Variants in PLAAT1 observed in about 807,000 individuals in gnomAD.
PLAAT1 encodes phospholipase A and acyltransferase 1.
Under a neutral mutation model 16.4 loss-of-function variants are expected in PLAAT1, and 13 were observed. That is an observed-to-expected ratio of 0.79 (90% CI 0.52 to 1.26). The LOEUF is 1.26. Among genes scored for constraint, PLAAT1 ranks in the 50% most tolerant of loss-of-function variants. The pLI is 0.00. For synonymous variants in PLAAT1, 73 were observed against 78.4 expected (o/e 0.93, Z 0.36); for missense variants, 218 against 207.8 (o/e 1.05, Z -0.30).
At position 193,255,806 on chromosome 3, in the gene PLAAT1, G is replaced by A; in HGVS notation, c.139+17G>A. On this transcript the variant is annotated intron_variant, in intron 2 of 3. Transcript: ENST00000264735. ...CACCTGTAGGTGAGGTTTATTTCCA[G>A]TGGCTCCTGGGAGCAAAGTTTTAGT... 1.9e-6 allele frequency: 3 copies of A among 1,559,926 alleles called. No individual in the cohort carries two copies. Among genetic ancestry groups the A allele is most frequent in the Non-Finnish European group, 2.6e-6 (3 of 1,149,068 alleles).
rs1716645827 is a variant in PLAAT1 at position 193,263,062 on chromosome 3, G to T, written c.232G>T (p.Asp78Tyr). The T allele has an allele frequency of 1.2e-6, 2 of 1,614,162 alleles. No homozygotes were observed. The highest frequency in any genetic ancestry group is 2.2e-5 in the South Asian group (2 of 91,082). Residue 78 changes from aspartate (D) to tyrosine (Y), a missense_variant, in exon 3 of 4, where the codon GAC becomes TAC. Transcript: ENST00000264735. Reference sequence around the variant, plus strand: ...GCTCTTGAAGGATGTTGTGGGAAATGACACATACAGAATAAACAATAAATA... The same window carrying T: ...GCTCTTGAAGGATGTTGTGGGAAATTACACATACAGAATAAACAATAAATA... ...MQLLKDVVGN[D>Y]TYRINNKYDE...
chr3:193,241,079 G>T (rs769730224), upstream of PLAAT1: 6 of 639,634 alleles, frequency 9.4e-6, no homozygotes, highest in Admixed American at 2.8e-4. Flanking sequence ...GTGCGCGCGC[G>T]GAGGCGGCTG....
At chr3:193,259,452 ATATTT>A in intron 2 of PLAAT1, among the ~76,000 whole-genome samples, 1 of 152,276 alleles carries the variant, frequency 6.6e-6, no homozygotes, top group South Asian at 2.1e-4. Flanking sequence ...TTTTTGCTGA[ATATTT>A]CATTCTGTAC....
chr3:193,260,176 C>T (rs1716533396), intron 2 of PLAAT1, among the ~76,000 whole-genome samples: 1 of 152,074 alleles, frequency 6.6e-6, no homozygotes, highest in African/African-American at 2.4e-5. Flanking sequence ...AAAACTGGAC[C>T]TCTGCCTTTC....
chr3:193,252,119 T>A (rs916395226), intron 1 of PLAAT1, among the ~76,000 whole-genome samples: 2 of 152,034 alleles, frequency 1.3e-5, no homozygotes, highest in Non-Finnish European at 2.9e-5. Context: ...CTGGTGAGGG[T>A]CTCAGGAAGC....
chr3:193,256,139 C>T (rs1466528527), intron 2 of PLAAT1, among the ~76,000 whole-genome samples: 3 of 152,130 alleles, frequency 2.0e-5, no homozygotes, highest in African/African-American at 2.4e-5. Context: ...TATAGATCAC[C>T]TAGTATGTTC....
At chr3:193,274,845 T>A, downstream of PLAAT1, 1 of 677,348 alleles carries the variant, frequency 1.5e-6, no homozygotes, top group Non-Finnish European at 2.5e-6. Context: ...ATGCATTTTT[T>A]TCTCTCATTG....
intron 1 of PLAAT1, among the ~76,000 whole-genome samples, chr3:193,244,188 T>C (rs1178501584): frequency 6.6e-6 from 1 of 152,182 alleles, no homozygotes; most frequent in Non-Finnish European, 1.5e-5. Context: ...AAAGCTGCTA[T>C]AAGCTTTTGT....
chr3:193,280,044 CA>C (rs1440441132), downstream of PLAAT1, among the ~76,000 whole-genome samples: 1 of 130,072 alleles, frequency 7.7e-6, no homozygotes, highest in Non-Finnish European at 1.6e-5. Flanking sequence ...CCTGTCTTGG[CA>C]TGCTCCAATT....
downstream of PLAAT1, among the ~76,000 whole-genome samples, chr3:193,279,976 TAAAAAAAA>T (rs57617984): frequency 8.5e-3 from 511 of 59,898 alleles, 11 homozygotes; most frequent in Admixed American, 0.01. Flanking sequence ...GTGTCTTTGT[TAAAAAAAA>T]AAAAAAAAAA....
At chr3:193,242,445 G>A (rs969570773) in intron 1 of PLAAT1, among the ~76,000 whole-genome samples, 1 of 152,062 alleles carries the variant, frequency 6.6e-6, no homozygotes, top group Non-Finnish European at 1.5e-5. Flanking sequence ...TTAAGATTGA[G>A]TCATTTGGGG....
rs200771797 is a variant in PLAAT1 at position 193,255,693 on chromosome 3, C to A, written c.43C>A (p.Pro15Thr). The A allele has an allele frequency of 2.8e-5, 45 of 1,612,664 alleles. No individual in the cohort carries two copies. The Middle Eastern group carries it at 6.6e-4, about 24-fold the overall frequency. Reference sequence around the variant, plus strand: ...CTTCAGTTTGAACTACCCTGGCAACCCCTGCCCAGGGGACTTGATCGAAGT... The same window carrying A: ...CTTCAGTTTGAACTACCCTGGCAACACCTGCCCAGGGGACTTGATCGAAGT... ...DCFSLNYPGN[P>T]CPGDLIEVFR... is the part of the protein sequence containing the mutation. The change falls in exon 2 of 4, where the codon CCC (proline) becomes ACC (threonine). Residue 15 changes from proline (P) to threonine (T), a missense_variant. Coordinates refer to ENST00000264735, the MANE Select transcript of PLAAT1 (RefSeq NM_020386.5).
In PLAAT1 at chr3:193,264,760, G is replaced by A. The variant is rs560758455; in HGVS notation, c.405+1525G>A. 1.2e-4 allele frequency among the ~76,000 whole-genome samples: 18 copies of A among 152,148 alleles called. No individual in the cohort carries two copies. In the South Asian group the frequency reaches 2.1e-3, roughly 18 times the overall value. On this transcript the variant is annotated intron_variant, in intron 3 of 3. Coordinates refer to ENST00000264735, the MANE Select transcript of PLAAT1 (RefSeq NM_020386.5). ...AAACTCCTGACCTCGTGATCCACCC[G>A]CCTTGGCCTCCCACAGCGCTGGGAT...
chr3:193,258,343 C>T (rs1459042837), intron 2 of PLAAT1, among the ~76,000 whole-genome samples: 1 of 151,952 alleles, frequency 6.6e-6, no homozygotes, highest in Admixed American at 6.6e-5. Flanking sequence ...TAATATTGCA[C>T]ATAGTGGAAC....
chr3:193,280,646 G>T (rs1020219388), downstream of PLAAT1, among the ~76,000 whole-genome samples: 1 of 152,164 alleles, frequency 6.6e-6, no homozygotes, highest in Non-Finnish European at 1.5e-5. Context: ...CAGCATCTCT[G>T]TTCTTATTTC....
At chr3:193,272,435 A>G (rs1411739696), downstream of PLAAT1, among the ~76,000 whole-genome samples, 1 of 150,488 alleles carries the variant, frequency 6.6e-6, no homozygotes, top group Non-Finnish European at 1.5e-5. Flanking sequence ...ACAGAGCGAG[A>G]CTCCACCTCA....
At chr3:193,264,725 G>C (rs1354834431) in intron 3 of PLAAT1, among the ~76,000 whole-genome samples, 1 of 152,146 alleles carries the variant, frequency 6.6e-6, no homozygotes. Flanking sequence ...ATGTTGGCCA[G>C]GCTGGTCTCA....
downstream of PLAAT1, chr3:193,275,405 G>A: frequency 7.4e-7 from 1 of 1,355,112 alleles, no homozygotes; most frequent in South Asian, 1.4e-5. Context: ...CTTCCTCTGA[G>A]GTGTGCTCAT....
At chr3:193,259,664 A>C (rs367654675) in intron 2 of PLAAT1, among the ~76,000 whole-genome samples, 2 of 152,208 alleles carry the variant, frequency 1.3e-5, no homozygotes, top group South Asian at 2.1e-4. Context: ...AATACATCCA[A>C]CCAAGAAGGT....
Sources: gnomAD v4.1 joint callset for allele counts (sites outside exome capture counted in the v4.1 genomes callset) on GRCh38, gnomAD v4.1.1 for gene constraint, MANE v1.5 for transcripts, NCBI Gene and HGNC (gene_info 2026-07-23, HGNC 2026-07-21) for gene names.